The following DPP10 variants were observed in gnomAD, a reference collection of about 807,000 sequenced individuals.
The protein encoded by DPP10 is dipeptidyl peptidase like 10.
Under a neutral mutation model 120.9 loss-of-function variants are expected in DPP10, and 33 were observed. The observed-to-expected ratio is 0.27, with a 90% CI of 0.21 to 0.37. The LOEUF is 0.37. DPP10 is among the 10% of genes least tolerant of loss of function. DPP10 has a pLI of 1.00. For missense variants in DPP10, 816 were observed against 942.8 expected (o/e 0.87, Z 1.76); for synonymous variants, 337 against 326.1 (o/e 1.03, Z -0.36).
chr2:115,412,307 T>C (rs1232117845), intron 3 of DPP10, among the ~76,000 whole-genome samples: 1 of 152,132 alleles, frequency 6.6e-6, no homozygotes, highest in Non-Finnish European at 1.5e-5. Context: ...ATTTTACTCT[T>C]ACACAGGAAA....
At chr2:115,696,886 T>C (rs777630212) in intron 7 of DPP10, among the ~76,000 whole-genome samples, 15 of 152,194 alleles carry the variant, frequency 9.9e-5, no homozygotes, top group Non-Finnish European at 1.9e-4. Context: ...TGTCATTAGT[T>C]AATACCTTTG....
chr2:115,755,704 T>G (rs1309425221), intron 11 of DPP10, among the ~76,000 whole-genome samples: 3 of 151,924 alleles, frequency 2.0e-5, no homozygotes, highest in African/African-American at 7.2e-5. Flanking sequence ...CTCAAAAAAC[T>G]AAAACTATAA....
chr2:114,759,820 G>T (rs1680118033), intron 1 of DPP10, among the ~76,000 whole-genome samples: 1 of 151,584 alleles, frequency 6.6e-6, no homozygotes, highest in African/African-American at 2.4e-5. Flanking sequence ...CAGTGATGGG[G>T]GTGGGTCAGC....
chr2:115,410,849 T>C (rs2068900621), intron 3 of DPP10, among the ~76,000 whole-genome samples: 1 of 152,218 alleles, frequency 6.6e-6, no homozygotes, highest in African/African-American at 2.4e-5. Flanking sequence ...ATTCTTATAG[T>C]AATTTAAACA....
chr2:115,243,996 G>A (rs915536798), intron 1 of DPP10, among the ~76,000 whole-genome samples: 2 of 150,896 alleles, frequency 1.3e-5, no homozygotes, highest in Non-Finnish European at 3.0e-5. Context: ...TATATATATA[G>A]TCCTACTTTT....
intron 3 of DPP10, among the ~76,000 whole-genome samples, chr2:115,481,389 A>C (rs1324389387): frequency 1.3e-5 from 2 of 152,152 alleles, no homozygotes; most frequent in Admixed American, 6.6e-5. Context: ...AGGCAAAAGA[A>C]CACACAGGTT....
At chr2:115,089,604 C>T (rs1184237674) in intron 1 of DPP10, among the ~76,000 whole-genome samples, 4 of 152,220 alleles carry the variant, frequency 2.6e-5, no homozygotes, top group African/African-American at 9.6e-5. Flanking sequence ...CTTCACCCTT[C>T]CCTATCCTGC....
chr2:115,676,575 TAGAC>T (rs1190563982), intron 5 of DPP10, among the ~76,000 whole-genome samples: 2 of 152,100 alleles, frequency 1.3e-5, no homozygotes, highest in East Asian at 3.8e-4. Flanking sequence ...GCTTCATCAA[TAGAC>T]TAAATTAAGT....
chr2:115,347,887 G>A lies in DPP10; in HGVS notation c.271+3975G>A, dbSNP rs996777838. 3.9e-5 allele frequency among the ~76,000 whole-genome samples: 6 copies of A among 152,266 alleles called. No individual in the cohort carries two copies. In the East Asian group the frequency reaches 1.2e-3, roughly 29 times the overall value. On this transcript the variant is annotated intron_variant, in intron 3 of 25. Coordinates refer to ENST00000410059, the MANE Select transcript of DPP10 (RefSeq NM_020868.6). ...TTTCTTTATCCAGTCTACTATTGAT[G>A]GGCATTTGGGTTGGTTCCAAGTCTT... is the stretch of plus-strand genomic sequence containing the variant.
At chr2:115,221,814 A>G (rs1461589089) in intron 1 of DPP10, among the ~76,000 whole-genome samples, 2 of 139,282 alleles carry the variant, frequency 1.4e-5, no homozygotes, top group Admixed American at 1.5e-4. Flanking sequence ...TCTATAAGAT[A>G]TTTCTGGAAG....
intron 7 of DPP10, among the ~76,000 whole-genome samples, chr2:115,718,514 A>G (rs954139082): frequency 6.6e-6 from 1 of 151,638 alleles, no homozygotes; most frequent in Admixed American, 6.6e-5. Flanking sequence ...TTTTTTCTGT[A>G]TTTTTTTCTT....
At chr2:114,918,302 T>A (rs1694950656) in intron 1 of DPP10, among the ~76,000 whole-genome samples, 1 of 152,122 alleles carries the variant, frequency 6.6e-6, no homozygotes, top group Non-Finnish European at 1.5e-5. Context: ...AAAAATAACA[T>A]GTTTGTGAGG....
chr2:115,342,245 C>T, intron 2 of DPP10: 1 of 431,466 alleles, frequency 2.3e-6, no homozygotes, highest in Non-Finnish European at 4.6e-6. Context: ...GTCACCCAGG[C>T]TGGAGTATAG....
chr2:115,683,147 C>T (rs1427776272), intron 5 of DPP10, among the ~76,000 whole-genome samples: 2 of 151,664 alleles, frequency 1.3e-5, no homozygotes, highest in African/African-American at 4.8e-5. Flanking sequence ...CTAGACTATG[C>T]AATATTGTTT....
intron 5 of DPP10, among the ~76,000 whole-genome samples, chr2:115,680,955 C>G (rs1395728719): frequency 6.6e-6 from 1 of 151,842 alleles, no homozygotes; most frequent in Non-Finnish European, 1.5e-5. Flanking sequence ...ACAGGATATT[C>G]AAGCTCAATC....
At chr2:115,129,813 G>C (rs895675141) in intron 1 of DPP10, among the ~76,000 whole-genome samples, 8 of 152,144 alleles carry the variant, frequency 5.3e-5, no homozygotes, top group Non-Finnish European at 1.2e-4. Flanking sequence ...TCCAACTCCA[G>C]ACATAGTGAT....
At chr2:115,156,655 G>T (rs2051933834) in intron 1 of DPP10, among the ~76,000 whole-genome samples, 2 of 152,178 alleles carry the variant, frequency 1.3e-5, no homozygotes, top group Non-Finnish European at 2.9e-5. Context: ...AGAAGGCTCA[G>T]TAATATCGTA....
At chr2:115,816,975 G>A (rs899636370) in intron 21 of DPP10, among the ~76,000 whole-genome samples, 21 of 150,088 alleles carry the variant, frequency 1.4e-4, no homozygotes, top group Middle Eastern at 3.4e-3. Context: ...AAGGCCAGGC[G>A]CGGTGGCTCA....
chr2:115,225,767 G>A (rs1310503986), intron 1 of DPP10, among the ~76,000 whole-genome samples: 1 of 151,640 alleles, frequency 6.6e-6, no homozygotes, highest in Non-Finnish European at 1.5e-5. Context: ...ACTTTAATCA[G>A]CATATATTGA....
Sources: gnomAD v4.1 joint callset for allele counts (sites outside exome capture counted in the v4.1 genomes callset) on GRCh38, gnomAD v4.1.1 for gene constraint, MANE v1.5 for transcripts, NCBI Gene and HGNC (gene_info 2026-07-23, HGNC 2026-07-21) for gene names.